SLC25A21: variants seen among roughly 807,000 people sequenced by gnomAD.
The protein encoded by SLC25A21 is mitochondrial 2-oxodicarboxylate carrier.
In SLC25A21, 47 loss-of-function variants were observed where a neutral mutation model predicts 43.8. The observed-to-expected ratio is 1.07, with a 90% CI of 0.85 to 1.37. The LOEUF (loss-of-function observed/expected upper bound fraction) is 1.37, where lower values mean the gene tolerates loss of function less well. Among genes scored for constraint, SLC25A21 ranks in the 40% most tolerant of loss-of-function variants. The probability of loss-of-function intolerance (pLI) is 0.00; values close to 1 mark genes in which losing one functional copy is unlikely to be tolerated. For synonymous variants in SLC25A21, 131 were observed against 121.3 expected (o/e 1.08, Z -0.52); for missense variants, 352 against 350.2 (o/e 1.00, Z -0.04).
intron 1 of SLC25A21, among the ~76,000 whole-genome samples, chr14:37,009,886 G>A (rs569633671): frequency 6.6e-6 from 1 of 152,078 alleles, no homozygotes; most frequent in Non-Finnish European, 1.5e-5. Context: ...ACATTGCTTT[G>A]CAAGCTTTAA....
At chr14:37,052,431 A>G (rs1366874708) in intron 1 of SLC25A21, among the ~76,000 whole-genome samples, 4 of 152,314 alleles carry the variant, frequency 2.6e-5, no homozygotes, top group Middle Eastern at 3.4e-3. Context: ...GAAATTGATG[A>G]CACAGATTTT....
chr14:36,824,536 A>G (rs1001002133), intron 2 of SLC25A21, among the ~76,000 whole-genome samples: 1 of 152,130 alleles, frequency 6.6e-6, no homozygotes, highest in Non-Finnish European at 1.5e-5. Flanking sequence ...TATATAATCT[A>G]TCCCAGTGTG....
At chr14:37,039,215 G>A (rs1326556465) in intron 1 of SLC25A21, among the ~76,000 whole-genome samples, 6 of 152,112 alleles carry the variant, frequency 3.9e-5, no homozygotes, top group Non-Finnish European at 8.8e-5. Context: ...ATACTGAAAG[G>A]CATTCATTGA....
chr14:36,732,096 C>T (rs946049057), intron 4 of SLC25A21, among the ~76,000 whole-genome samples: 2 of 152,110 alleles, frequency 1.3e-5, no homozygotes, highest in African/African-American at 4.8e-5. Flanking sequence ...AAGTCTTGGC[C>T]CTCCAGATAC....
chr14:37,097,667 G>A (rs1273924619), intron 1 of SLC25A21, among the ~76,000 whole-genome samples: 8 of 152,042 alleles, frequency 5.3e-5, no homozygotes, highest in African/African-American at 1.9e-4. Context: ...TGGATCGCCT[G>A]AGGTCAGGAG....
At chr14:37,072,027 C>T (rs547712299) in intron 1 of SLC25A21, among the ~76,000 whole-genome samples, 2 of 151,734 alleles carry the variant, frequency 1.3e-5, no homozygotes, top group East Asian at 3.9e-4. Context: ...ATTTAAAACA[C>T]AAAAATTAGC....
intron 3 of SLC25A21, among the ~76,000 whole-genome samples, chr14:36,764,035 A>C (rs1374430309): frequency 1.6e-5 from 1 of 62,858 alleles, no homozygotes; most frequent in Non-Finnish European, 2.9e-5. Flanking sequence ...TGAAAGAAAG[A>C]AAAAGAAAGA....
intron 1 of SLC25A21, among the ~76,000 whole-genome samples, chr14:37,008,032 G>A (rs1440005073): frequency 2.6e-5 from 4 of 151,718 alleles, no homozygotes; most frequent in East Asian, 1.9e-4. Flanking sequence ...CCACTACTAC[G>A]GCTGGCTAAT....
chr14:37,094,505 G>A (rs1223964751), intron 1 of SLC25A21, among the ~76,000 whole-genome samples: 1 of 152,150 alleles, frequency 6.6e-6, no homozygotes, highest in Non-Finnish European at 1.5e-5. Flanking sequence ...GGAAGTATCT[G>A]TCAAAATGTA....
intron 1 of SLC25A21, among the ~76,000 whole-genome samples, chr14:37,091,030 A>G (rs1216132937): frequency 6.6e-6 from 1 of 152,202 alleles, no homozygotes; most frequent in Non-Finnish European, 1.5e-5. Context: ...CTTAATATAT[A>G]CTTTTGATTT....
chr14:36,931,966 T>C (rs955348901), intron 1 of SLC25A21, among the ~76,000 whole-genome samples: 4 of 152,150 alleles, frequency 2.6e-5, no homozygotes, highest in African/African-American at 9.7e-5. Context: ...AAGAGATGAT[T>C]ACGACACTAG....
chr14:36,987,335 C>T (rs551916837), intron 1 of SLC25A21, among the ~76,000 whole-genome samples: 1 of 152,134 alleles, frequency 6.6e-6, no homozygotes, highest in South Asian at 2.1e-4. Flanking sequence ...CTTTTTCTAA[C>T]CAAACACTAC....
chr14:36,764,176 GA>G, intron 3 of SLC25A21, among the ~76,000 whole-genome samples: 1 of 76,422 alleles, frequency 1.3e-5, no homozygotes, highest in African/African-American at 6.9e-5. Context: ...AAGAAAGAAA[GA>G]AAGAAAGAAA....
rs1961142021 is a variant in SLC25A21 at position 37,028,590 on chromosome 14, G to GAAAAC, written c.70+143690_70+143691insGTTTT. Among the ~76,000 whole-genome samples, 3 of 152,194 alleles carry GAAAAC rather than the reference G, an allele frequency of 2.0e-5. No homozygotes were observed. In the South Asian group the frequency reaches 6.2e-4, roughly 32 times the overall value. ...GAAGAAAACAAGACTGTAAGTTTTG[G>GAAAAC]TCACCTTTTCTGGCTGTTAACCACC... On this transcript the variant is annotated intron_variant, in intron 1 of 9. Transcript: ENST00000331299.
At chr14:36,889,393 A>G (rs978175978) in intron 1 of SLC25A21, among the ~76,000 whole-genome samples, 1 of 152,254 alleles carries the variant, frequency 6.6e-6, no homozygotes, top group Admixed American at 6.5e-5. Context: ...AATTACAGAA[A>G]TACAAAGGTA....
chr14:37,013,516 G>C (rs559540779), intron 1 of SLC25A21, among the ~76,000 whole-genome samples: 11 of 152,236 alleles, frequency 7.2e-5, no homozygotes, highest in African/African-American at 2.6e-4. Context: ...TTGCAGGCTT[G>C]TTTTCAAAAA....
At chr14:37,009,892 T>C (rs1960692767) in intron 1 of SLC25A21, among the ~76,000 whole-genome samples, 1 of 152,178 alleles carries the variant, frequency 6.6e-6, no homozygotes, top group Non-Finnish European at 1.5e-5. Context: ...CTTTGCAAGC[T>C]TTAAAAAACT....
At chr14:36,910,828 C>A (rs1891667798) in intron 1 of SLC25A21, among the ~76,000 whole-genome samples, 1 of 152,140 alleles carries the variant, frequency 6.6e-6, no homozygotes, top group Admixed American at 6.6e-5. Context: ...TTAACTGAAC[C>A]AGGAAGAGTT....
intron 1 of SLC25A21, among the ~76,000 whole-genome samples, chr14:37,045,440 GA>G (rs1322050358): frequency 6.6e-6 from 1 of 151,740 alleles, no homozygotes; most frequent in African/African-American, 2.4e-5. Flanking sequence ...AACTGCTGGG[GA>G]AAAAAAACTT....
Sources: allele counts gnomAD v4.1 joint callset (sites outside exome capture counted in the v4.1 genomes callset), GRCh38; gene constraint gnomAD v4.1.1; transcripts MANE v1.5; gene names NCBI Gene and HGNC (gene_info 2026-07-23, HGNC 2026-07-21).